The following ANKRD55 variants were observed in gnomAD, a reference collection of about 807,000 sequenced individuals.
The protein encoded by ANKRD55 is ankyrin repeat domain 55.
ANKRD55 carries 41 observed loss-of-function variants against 60.6 expected under a neutral mutation model. The observed-to-expected ratio is 0.68, with a 90% confidence interval of 0.53 to 0.88. The LOEUF (loss-of-function observed/expected upper bound fraction) is 0.88, where lower values mean the gene tolerates loss of function less well. Ranked by LOEUF, ANKRD55 falls within the 40% of genes least tolerant of loss-of-function variation. The pLI, the probability that ANKRD55 is intolerant of heterozygous loss-of-function variation, is 0.00. For synonymous variants in ANKRD55, 264 were observed against 290.3 expected, an observed-to-expected ratio of 0.91 and a Z score of 0.92; for missense variants, 732 against 767.6, an observed-to-expected ratio of 0.95 and a Z score of 0.55.
chr5:56,175,640 T>C (rs933963307), intron 4 of ANKRD55, among the ~76,000 whole-genome samples: 3 of 152,142 alleles, frequency 2.0e-5, no homozygotes, highest in Non-Finnish European at 4.4e-5. Context: ...CTGAGTCATC[T>C]GCTTGGCGTT....
At chr5:56,112,511 A>AAAAAAAAACAAAAAACAAAAAAAAAAC (rs1756755508) in intron 9 of ANKRD55, among the ~76,000 whole-genome samples, 1 of 81,528 alleles carries the variant, frequency 1.2e-5, no homozygotes, top group African/African-American at 5.4e-5. Context: ...TAGCAAAAAA[A>AAAAAAAAACAAAAAACAAAAAAAAAAC]AAAAAAAAAA....
intron 2 of ANKRD55, among the ~76,000 whole-genome samples, chr5:56,222,708 A>G (rs1759998218): frequency 1.3e-5 from 2 of 152,262 alleles, no homozygotes; most frequent in South Asian, 4.1e-4. Flanking sequence ...TGACACATGC[A>G]CAAGCTTCAG....
At chr5:56,224,184 C>T (rs1318805122) in intron 2 of ANKRD55, among the ~76,000 whole-genome samples, 4 of 152,132 alleles carry the variant, frequency 2.6e-5, no homozygotes, top group Admixed American at 6.6e-5. Flanking sequence ...TTAAGAAACT[C>T]ACTCAAAACT....
chr5:56,143,037 C>A (rs896299746), intron 7 of ANKRD55, among the ~76,000 whole-genome samples: 1 of 152,200 alleles, frequency 6.6e-6, no homozygotes, highest in African/African-American at 2.4e-5. Context: ...AAACCACAGT[C>A]AGGGCAGCAG....
chr5:56,202,905 G>A (rs921856536), intron 2 of ANKRD55, among the ~76,000 whole-genome samples: 1 of 152,094 alleles, frequency 6.6e-6, no homozygotes, highest in African/African-American at 2.4e-5. Flanking sequence ...TTTAAGGAGT[G>A]TTTCTGTGTT....
At chr5:56,114,020 T>TA (rs1756817011) in intron 9 of ANKRD55, among the ~76,000 whole-genome samples, 1 of 133,234 alleles carries the variant, frequency 7.5e-6, no homozygotes, top group Non-Finnish European at 1.6e-5. Context: ...ATATATACAA[T>TA]AAAAATATAT....
intron 5 of ANKRD55, among the ~76,000 whole-genome samples, chr5:56,169,938 G>A (rs1200383415): frequency 1.3e-5 from 2 of 152,182 alleles, no homozygotes; most frequent in East Asian, 3.8e-4. Context: ...TGGGGACCGA[G>A]GCCATGTAGA....
intron 7 of ANKRD55, among the ~76,000 whole-genome samples, chr5:56,135,211 T>TTTCCTTCC (rs201467096): frequency 0.04 from 4,700 of 118,374 alleles, 316 homozygotes; most frequent in East Asian, 0.15. Flanking sequence ...GTCTCACAAC[T>TTTCCTTCC]TTCCTTCCTT....
intron 11 of ANKRD55, among the ~76,000 whole-genome samples, chr5:56,100,548 G>C (rs1756240822): frequency 6.6e-6 from 1 of 152,190 alleles, no homozygotes. Context: ...GATCAAACAT[G>C]ATTGGGCTGT....
intron 2 of ANKRD55, among the ~76,000 whole-genome samples, chr5:56,226,873 C>G (rs1483091571): frequency 1.3e-5 from 2 of 152,164 alleles, no homozygotes; most frequent in African/African-American, 2.4e-5. Flanking sequence ...AACAGGAACA[C>G]TTTTACACTG....
At chr5:56,137,697 A>G (rs545916761) in intron 7 of ANKRD55, among the ~76,000 whole-genome samples, 1 of 151,986 alleles carries the variant, frequency 6.6e-6, no homozygotes, top group East Asian at 1.9e-4. Flanking sequence ...CATTAAAATC[A>G]AAAACTTCTC....
At chr5:56,208,585 C>G (rs1385115909) in intron 2 of ANKRD55, among the ~76,000 whole-genome samples, 2 of 151,908 alleles carry the variant, frequency 1.3e-5, no homozygotes, top group African/African-American at 4.8e-5. Flanking sequence ...CCACCATGCC[C>G]AGCTAATTTT....
chr5:56,168,066 G>A (rs2111808866), intron 5 of ANKRD55, among the ~76,000 whole-genome samples: 1 of 152,280 alleles, frequency 6.6e-6, no homozygotes, highest in South Asian at 2.1e-4. Flanking sequence ...GCATTGTTGG[G>A]AGGTAGATTC....
intron 6 of ANKRD55, among the ~76,000 whole-genome samples, chr5:56,154,836 A>G (rs1758152692): frequency 6.6e-6 from 1 of 151,940 alleles, no homozygotes; most frequent in Non-Finnish European, 1.5e-5. Flanking sequence ...TGATTCACCC[A>G]CCTCAGTCTC....
intron 6 of ANKRD55, among the ~76,000 whole-genome samples, chr5:56,155,206 G>C (rs968100374): frequency 2.2e-5 from 3 of 138,318 alleles, no homozygotes; most frequent in African/African-American, 8.1e-5. Context: ...CTGAGTGACA[G>C]AGTGAGACTG....
At chr5:56,117,935 G>A (rs1423207777) in intron 8 of ANKRD55, among the ~76,000 whole-genome samples, 1 of 152,062 alleles carries the variant, frequency 6.6e-6, no homozygotes, top group Non-Finnish European at 1.5e-5. Context: ...CTGAGGTCAG[G>A]AGTTCAAGAG....
At chr5:56,146,817 G>A (rs973365536) in intron 6 of ANKRD55, 2 of 152,188 alleles carry the variant, frequency 1.3e-5, no homozygotes, top group Non-Finnish European at 2.9e-5. Context: ...TCTGAGGTCA[G>A]GTGCGTTCAG....
At chr5:56,166,158 T>TTTCTTTCTTCCTTTCTTCC (rs1554040812) in intron 5 of ANKRD55, among the ~76,000 whole-genome samples, 1 of 72,436 alleles carries the variant, frequency 1.4e-5, no homozygotes, top group Non-Finnish European at 2.6e-5. Context: ...TTCTTTCTTC[T>TTTCTTTCTTCCTTTCTTCC]TTCCTTCCTT....
intron 3 of ANKRD55, among the ~76,000 whole-genome samples, chr5:56,183,011 T>C (rs1004745860): frequency 6.6e-6 from 1 of 152,242 alleles, no homozygotes; most frequent in Non-Finnish European, 1.5e-5. Flanking sequence ...GCATCAGCTC[T>C]GGGAGAGACA....
Sources: gnomAD v4.1 joint callset for allele counts (sites outside exome capture counted in the v4.1 genomes callset) on GRCh38, gnomAD v4.1.1 for gene constraint, MANE v1.5 for transcripts, NCBI Gene and HGNC (gene_info 2026-07-23, HGNC 2026-07-21) for gene names.